The following ANKRD11 variants were observed in gnomAD, a reference collection of about 807,000 sequenced individuals.
ANKRD11 encodes ankyrin repeat domain-containing protein 11.
In ANKRD11, 17 loss-of-function variants were observed where a neutral mutation model predicts 195.7. That is an observed-to-expected ratio of 0.09 (90% confidence interval 0.06 to 0.13). The LOEUF is 0.13. Ranked by LOEUF, ANKRD11 falls within the 10% of genes least tolerant of loss-of-function variation. The pLI, the probability that ANKRD11 is intolerant of heterozygous loss-of-function variation, is 1.00. For missense variants in ANKRD11, 3,735 were observed against 3,566.1 expected, an observed-to-expected ratio of 1.05 and a Z score of -1.21; for synonymous variants, 1,953 against 1,528.1, an observed-to-expected ratio of 1.28 and a Z score of -6.49.
intron 2 of ANKRD11, among the ~76,000 whole-genome samples, chr16:89,345,666 T>G (rs2038906508): frequency 6.6e-6 from 1 of 152,202 alleles, no homozygotes; most frequent in Admixed American, 6.5e-5. Context: ...TTTGTCAGAT[T>G]GGAATGGAAA....
chr16:89,376,843 A>T (rs2040444167), intron 2 of ANKRD11, among the ~76,000 whole-genome samples: 1 of 152,228 alleles, frequency 6.6e-6, no homozygotes. Flanking sequence ...CTGGGATAGA[A>T]GGCAAGAAGG....
chr16:89,380,931 A>G (rs1007324811), intron 2 of ANKRD11, among the ~76,000 whole-genome samples: 19 of 152,174 alleles, frequency 1.2e-4, no homozygotes, highest in Middle Eastern at 3.2e-3. Flanking sequence ...CGGAGCACGC[A>G]TCCCTGCTTC....
rs1445081664 is a variant in ANKRD11 at position 89,471,082 on chromosome 16, G to A, written c.-145+19163C>T. Among the ~76,000 whole-genome samples the A allele has an allele frequency of 2.0e-5, 3 of 151,792 alleles. No individual in the cohort carries two copies. In the East Asian group the frequency reaches 5.8e-4, roughly 29 times the overall value. On this transcript the variant is annotated intron_variant, in intron 1 of 12. Coordinates refer to ENST00000301030, the MANE Select transcript of ANKRD11 (RefSeq NM_013275.6). ...AAAAGCATGACTGAGGCTGGGCGCA[G>A]TGGCTCACTCCTGTAATCCCAGCAC...
At chr16:89,345,141 A>T (rs2152009536) in intron 2 of ANKRD11, among the ~76,000 whole-genome samples, 1 of 152,316 alleles carries the variant, frequency 6.6e-6, no homozygotes, top group African/African-American at 2.4e-5. Context: ...TCCACCAGGA[A>T]ATGGAAAAGG....
intron 1 of ANKRD11, among the ~76,000 whole-genome samples, chr16:89,463,059 G>T (rs1226745141): frequency 1.4e-5 from 2 of 145,532 alleles, no homozygotes; most frequent in African/African-American, 5.1e-5. Context: ...GGGGGGGTCA[G>T]CCCCCCCGCC....
intron 1 of ANKRD11, among the ~76,000 whole-genome samples, chr16:89,478,433 C>T (rs1449543497): frequency 6.6e-6 from 1 of 152,096 alleles, no homozygotes; most frequent in Non-Finnish European, 1.5e-5. Flanking sequence ...CCGACGCCTC[C>T]ACACCACAAC....
intron 2 of ANKRD11, among the ~76,000 whole-genome samples, chr16:89,383,094 A>G (rs2040734178): frequency 6.6e-6 from 1 of 152,186 alleles, no homozygotes; most frequent in Admixed American, 6.5e-5. Flanking sequence ...ACACCACTGT[A>G]ATATAGGTTT....
intron 2 of ANKRD11, among the ~76,000 whole-genome samples, chr16:89,326,633 T>C (rs1220935356): frequency 6.6e-6 from 1 of 152,014 alleles, no homozygotes; most frequent in Non-Finnish European, 1.5e-5. Flanking sequence ...TCCCAGCTCC[T>C]TGGGAGCCTG....
chr16:89,312,646 C>A (rs78485689), intron 3 of ANKRD11, among the ~76,000 whole-genome samples: 1 of 146,966 alleles, frequency 6.8e-6, no homozygotes, highest in Non-Finnish European at 1.5e-5. Context: ...CCCATGTGGG[C>A]CCACAGCGGT....
chr16:89,394,962 G>C (rs943447581), intron 2 of ANKRD11, among the ~76,000 whole-genome samples: 2 of 152,212 alleles, frequency 1.3e-5, no homozygotes, highest in South Asian at 2.1e-4. Context: ...GCTGATGAGA[G>C]AACCCCCTGT....
intron 2 of ANKRD11, among the ~76,000 whole-genome samples, chr16:89,344,569 C>G (rs2038848540): frequency 6.6e-6 from 1 of 152,246 alleles, no homozygotes; most frequent in African/African-American, 2.4e-5. Flanking sequence ...TGAACGCTGC[C>G]TCAGCGTCTG....
chr16:89,438,021 C>T (rs192469369), intron 1 of ANKRD11, among the ~76,000 whole-genome samples: 1 of 152,254 alleles, frequency 6.6e-6, no homozygotes, highest in East Asian at 1.9e-4. Flanking sequence ...TTCTAGACAC[C>T]AACACCAGGC....
At chr16:89,459,337 A>G (rs994708370) in intron 1 of ANKRD11, 5 of 156,678 alleles carry the variant, frequency 3.2e-5, no homozygotes, top group African/African-American at 9.6e-5. Flanking sequence ...AACAAAAACA[A>G]TTACTGACTC....
intron 2 of ANKRD11, among the ~76,000 whole-genome samples, chr16:89,355,429 G>A (rs2039426337): frequency 6.6e-6 from 1 of 152,198 alleles, no homozygotes; most frequent in Non-Finnish European, 1.5e-5. Context: ...CTTTTCATCA[G>A]CCAGACTGTT....
intron 1 of ANKRD11, among the ~76,000 whole-genome samples, chr16:89,441,767 CAAAAAAA>C (rs57747159): frequency 7.3e-4 from 38 of 52,352 alleles, no homozygotes; most frequent in African/African-American, 1.7e-3. Context: ...ACTCCGCCTA[CAAAAAAA>C]AAAAAAAAAA....
intron 2 of ANKRD11, among the ~76,000 whole-genome samples, chr16:89,376,215 C>A (rs1465570599): frequency 6.6e-6 from 1 of 152,084 alleles, no homozygotes; most frequent in Non-Finnish European, 1.5e-5. Context: ...TAGTCTGATT[C>A]CAGAAAAGTG....
intron 2 of ANKRD11, among the ~76,000 whole-genome samples, chr16:89,368,684 A>C (rs2040060751): frequency 6.6e-6 from 1 of 151,748 alleles, no homozygotes; most frequent in African/African-American, 2.4e-5. Context: ...GAAGTGCTAT[A>C]ATTGCTTCAG....
intron 1 of ANKRD11, among the ~76,000 whole-genome samples, chr16:89,489,689 G>A (rs1322155716): frequency 6.6e-6 from 1 of 151,116 alleles, no homozygotes; most frequent in African/African-American, 2.4e-5. Context: ...AGCGCCCCCT[G>A]GCAGCCCCTC....
At chr16:89,402,658 T>G (rs1597295120) in intron 2 of ANKRD11, among the ~76,000 whole-genome samples, 2 of 76,832 alleles carry the variant, frequency 2.6e-5, no homozygotes, top group African/African-American at 5.3e-5. Flanking sequence ...CACTGCAGGG[T>G]GAGGTGAAGG....
Sources: gnomAD v4.1 joint callset for allele counts (sites outside exome capture counted in the v4.1 genomes callset) on GRCh38, gnomAD v4.1.1 for gene constraint, MANE v1.5 for transcripts, NCBI Gene and HGNC (gene_info 2026-07-23, HGNC 2026-07-21) for gene names.